Variants in ZFHX3 observed in about 807,000 individuals in gnomAD.
The protein encoded by ZFHX3 is zinc finger homeobox protein 3.
Under a neutral mutation model 279.1 loss-of-function variants are expected in ZFHX3, and 42 were observed. The observed-to-expected ratio is 0.15, with a 90% CI of 0.12 to 0.19. The LOEUF is 0.19. ZFHX3 is among the 10% of genes least tolerant of loss of function. The pLI is 1.00. For missense variants in ZFHX3, 4,981 were observed against 4,754.0 expected (o/e 1.05, Z -1.40); for synonymous variants, 2,293 against 1,957.8 (o/e 1.17, Z -4.52).
intron 1 of ZFHX3, among the ~76,000 whole-genome samples, chr16:73,866,169 A>ATTT (rs34324522): frequency 0.014 from 1,011 of 74,622 alleles, 109 homozygotes; most frequent in African/African-American, 0.032. Context: ...TGCCAGGCTA[A>ATTT]TTTTTTTTTT....
chr16:73,482,401 C>A (rs9933944), intron 2 of ZFHX3, among the ~76,000 whole-genome samples: 4 of 151,886 alleles, frequency 2.6e-5, no homozygotes, highest in African/African-American at 9.7e-5. Flanking sequence ...AATGGCATCA[C>A]GTGTGAGGAT....
At chr16:73,605,680 T>C (rs773049160) in intron 2 of ZFHX3, among the ~76,000 whole-genome samples, 5 of 150,496 alleles carry the variant, frequency 3.3e-5, no homozygotes, top group Admixed American at 6.6e-5. Context: ...GGAAGGCTGG[T>C]CTAGGGCATA....
intron 5 of ZFHX3, among the ~76,000 whole-genome samples, chr16:73,180,952 C>T (rs548417141): frequency 1.3e-5 from 2 of 152,310 alleles, no homozygotes; most frequent in East Asian, 3.9e-4. Flanking sequence ...CGTGAGCCAC[C>T]GCGCCTGGCC....
intron 5 of ZFHX3, among the ~76,000 whole-genome samples, chr16:73,198,829 A>G (rs1392361849): frequency 2.0e-5 from 3 of 152,218 alleles, no homozygotes; most frequent in Non-Finnish European, 2.9e-5. Context: ...ACGGCACTGG[A>G]TTCTTTCCCC....
chr16:73,841,379 A>T (rs1961303018), intron 1 of ZFHX3, among the ~76,000 whole-genome samples: 1 of 152,184 alleles, frequency 6.6e-6, no homozygotes, highest in Admixed American at 6.5e-5. Context: ...AGTGAACCCA[A>T]GAGCCATAGA....
chr16:73,493,184 G>C (rs1407346174), intron 2 of ZFHX3, among the ~76,000 whole-genome samples: 1 of 151,686 alleles, frequency 6.6e-6, no homozygotes, highest in Non-Finnish European at 1.5e-5. Flanking sequence ...AGCTGGTCTC[G>C]TCTGCTTCCA....
chr16:73,101,404 A>G (rs1369601684), intron 7 of ZFHX3, among the ~76,000 whole-genome samples: 1 of 152,126 alleles, frequency 6.6e-6, no homozygotes, highest in Non-Finnish European at 1.5e-5. Context: ...TTTGAGATGG[A>G]GTCTTGCTCT....
intron 1 of ZFHX3, among the ~76,000 whole-genome samples, chr16:73,728,752 T>C (rs1010300339): frequency 2.0e-5 from 3 of 151,780 alleles, no homozygotes; most frequent in African/African-American, 4.8e-5. Flanking sequence ...TTGAAAGTTG[T>C]AGTGGTGACA....
intron 5 of ZFHX3, among the ~76,000 whole-genome samples, chr16:72,815,865 G>A (rs547432440): frequency 3.9e-5 from 6 of 152,166 alleles, no homozygotes; most frequent in Non-Finnish European, 7.4e-5. Context: ...AACTCTAGTG[G>A]TTTGTACAAT....
intron 3 of ZFHX3, among the ~76,000 whole-genome samples, chr16:72,948,447 A>T (rs1320572173): frequency 1.3e-5 from 2 of 152,168 alleles, no homozygotes; most frequent in Non-Finnish European, 2.9e-5. Context: ...AAACATGCAA[A>T]TAAACCTCGT....
intron 1 of ZFHX3, among the ~76,000 whole-genome samples, chr16:73,013,643 C>T (rs1245806494): frequency 1.3e-5 from 2 of 152,130 alleles, no homozygotes; most frequent in Non-Finnish European, 2.9e-5. Flanking sequence ...ACTCTTTGGG[C>T]CTCACCAAAA....
At chr16:72,804,573 G>A (rs1285693599) in intron 7 of ZFHX3, among the ~76,000 whole-genome samples, 1 of 152,104 alleles carries the variant, frequency 6.6e-6, no homozygotes, top group African/African-American at 2.4e-5. Flanking sequence ...GCTCTTCCTA[G>A]TTTGGTTCAT....
intron 2 of ZFHX3, among the ~76,000 whole-genome samples, chr16:73,476,170 A>T (rs2018761582): frequency 6.6e-6 from 1 of 152,060 alleles, no homozygotes; most frequent in Non-Finnish European, 1.5e-5. Flanking sequence ...TTTAACATAA[A>T]GTTTTTTTGA....
At chr16:73,708,471 A>G (rs2053326631) in intron 1 of ZFHX3, among the ~76,000 whole-genome samples, 1 of 152,236 alleles carries the variant, frequency 6.6e-6, no homozygotes, top group Non-Finnish European at 1.5e-5. Context: ...GGGTAAAAGA[A>G]ATATTTCTCA....
intron 7 of ZFHX3, among the ~76,000 whole-genome samples, chr16:73,122,134 C>A (rs545415912): frequency 1.9e-4 from 29 of 152,202 alleles, no homozygotes; most frequent in African/African-American, 6.5e-4. Context: ...GGTACCCTAT[C>A]CATACTTGTG....
At chr16:73,027,492 G>A (rs186420266) in intron 1 of ZFHX3, among the ~76,000 whole-genome samples, 86 of 152,246 alleles carry the variant, frequency 5.6e-4, no homozygotes, top group African/African-American at 1.9e-3. Flanking sequence ...CCTTTTTATG[G>A]GAATTTTTGC....
intron 2 of ZFHX3, among the ~76,000 whole-genome samples, chr16:73,664,879 G>A (rs1321299543): frequency 1.3e-5 from 2 of 152,182 alleles, no homozygotes; most frequent in African/African-American, 4.8e-5. Flanking sequence ...TTTGCACACA[G>A]CTAACACTTA....
At position 72,958,528 on chromosome 16, in the gene ZFHX3, G is replaced by T; in HGVS notation, c.1618C>A (p.Leu540Ile). 4 of 1,614,076 alleles carry T rather than the reference G, an allele frequency of 2.5e-6. No individual in the cohort carries two copies. Among genetic ancestry groups the T allele is most frequent in the Non-Finnish European group, 3.4e-6 (4 of 1,180,038 alleles). Residue 540 changes from leucine to isoleucine, a missense_variant, in exon 2 of 10, where the codon CTC becomes ATC. Leu to Ile is a conservative substitution (Grantham distance 5, BLOSUM62 2). This residue lies in a region of ZFHX3 where 1,068 missense variants were observed against 935.2 expected (regional missense o/e 1.14). Coordinates refer to ENST00000268489, the MANE Select transcript of ZFHX3 (RefSeq NM_006885.4). ...ISNSPLMPNV[L>I]QTLSRGTAST... ...GCTGTGCCCCTCGACAGGGTCTGGA[G>T]CACGTTAGGCATTAAGGGGGAGTTA... is the stretch of plus-strand genomic sequence containing the variant.
At chr16:73,087,708 A>G (rs1412347392) in intron 8 of ZFHX3, among the ~76,000 whole-genome samples, 1 of 152,204 alleles carries the variant, frequency 6.6e-6, no homozygotes, top group African/African-American at 2.4e-5. Context: ...TCCAGGAGTC[A>G]AGGATAGTGT....
Sources: allele counts gnomAD v4.1 joint callset (sites outside exome capture counted in the v4.1 genomes callset), GRCh38; gene constraint gnomAD v4.1.1; regional missense constraint gnomAD v4.1.1; transcripts MANE v1.5; gene names NCBI Gene and HGNC (gene_info 2026-07-23, HGNC 2026-07-21).